Variants in SCRIB observed in about 807,000 individuals in gnomAD.
The protein encoded by SCRIB is scribble planar cell polarity protein.
A neutral mutation model predicts 170.0 loss-of-function variants in SCRIB; 72 were observed. That is an observed-to-expected ratio of 0.42 (90% CI 0.35 to 0.52). SCRIB has a LOEUF of 0.52. SCRIB is among the 20% of genes least tolerant of loss of function. The pLI is 0.02. For synonymous variants in SCRIB, 1,298 were observed against 1,044.3 expected, an observed-to-expected ratio of 1.24 and a Z score of -4.68; for missense variants, 2,475 against 2,338.5, an observed-to-expected ratio of 1.06 and a Z score of -1.20.
At chr8:143,805,520 G>T in intron 18 of SCRIB, 85 bp from the exon 19 acceptor site, 1 of 1,316,072 alleles carries the variant, frequency 7.6e-7, no homozygotes, top group Non-Finnish European at 1.0e-6. Context: ...GCTCCCTCCA[G>T]GATGGGGAGA....
rs782808991 is a variant in SCRIB at position 143,792,097 on chromosome 8, C to A, written c.4551G>T (p.Gln1517His). The change falls in exon 33 of 37, where the codon CAG (glutamine) becomes CAT (histidine). Residue 1517 changes from glutamine (Q) to histidine (H), a missense_variant. This residue lies in a region of SCRIB where 1,966 missense variants were observed against 1,742.9 expected (regional missense o/e 1.13). Transcript: ENST00000356994. ...CTTCCTGGGACCTGCTGAGGACCAT[C>A]TGTGCTCGGAGAGCGTCCTGTTCCA... The part of the protein sequence containing the change: ...KSLEQDALRA[Q>H]MVLSRSQEGR... The A allele has an allele frequency of 9.4e-6, 15 of 1,591,376 alleles. No individual in the cohort carries two copies. The highest frequency in any genetic ancestry group is 1.3e-5 in the Non-Finnish European group (15 of 1,175,316).
Position 143,815,462 on chromosome 8 carries a change from G to T in SCRIB, c.-90C>A, listed in dbSNP as rs952565811. 4 of 1,101,996 alleles carry T rather than the reference G, an allele frequency of 3.6e-6. No individual in the cohort carries two copies. The highest frequency in any genetic ancestry group is 3.3e-5 in the African/African-American group (2 of 59,850). The allele number at this position is 1,101,996 out of a possible 1,614,324, so 68.3% of individuals were successfully genotyped here. On this transcript the variant is annotated 5_prime_UTR_variant, in exon 1 of 37. Transcript: ENST00000356994. ...CTCAGTCCGCATGGGCGCCGCGCAT[G>T]GGGAGGGGGCGCAGGCAGGGGGCGG...
chr8:143,815,059 A>C, intron 1 of SCRIB, 155 bp downstream of exon 1: 2 of 846,068 alleles, frequency 2.4e-6, no homozygotes, highest in Non-Finnish European at 3.3e-6. Flanking sequence ...GGCGGCTGGA[A>C]GAGAAGGGTG....
Position 143,812,933 on chromosome 8 carries a change from C to G in SCRIB, c.671G>C (p.Cys224Ser). Residue 224 changes from cysteine (C) to serine (S), a missense_variant, in exon 8 of 37, where the codon TGC becomes TCC. Physicochemically the swap from Cys to Ser is moderately radical, Grantham distance 112 (BLOSUM62 -1). Coordinates refer to ENST00000356994, the MANE Select transcript of SCRIB (RefSeq NM_182706.5). Reference sequence around the variant, plus strand: ...CAGCCGGTTTTCCGACACGTCCAGGCACACCAGGCGCCGCAGGTTCCCGAG... The same window carrying G: ...CAGCCGGTTTTCCGACACGTCCAGGGACACCAGGCGCCGCAGGTTCCCGAG... ...PELGNLRRLV[C>S]LDVSENRLEE... The G allele has an allele frequency of 6.2e-7, 1 of 1,612,754 alleles. No individual in the cohort carries two copies. Among genetic ancestry groups the G allele is most frequent in the Non-Finnish European group, 8.5e-7 (1 of 1,179,910 alleles).
intron 24 of SCRIB, among the ~76,000 whole-genome samples, chr8:143,801,518 T>C (rs1815170315): frequency 1.3e-5 from 2 of 152,240 alleles, no homozygotes; most frequent in Admixed American, 6.5e-5. Flanking sequence ...AAAATTTTGA[T>C]TTTTGTAACT....
In SCRIB at chr8:143,791,896, T is replaced by TGGTCTGGGGGCCGA; in HGVS notation, c.4661_4674dup (p.Thr1560AlafsTer44). 3 of 1,470,302 alleles carry TGGTCTGGGGGCCGA rather than the reference T, an allele frequency of 2.0e-6. No individual in the cohort carries two copies. The highest frequency in any genetic ancestry group is 2.7e-6 in the Non-Finnish European group (3 of 1,110,472). The allele number at this position is 1,470,302 out of a possible 1,614,324, so 91.1% of individuals were successfully genotyped here. A position where few individuals can be genotyped will look rare whatever the true frequency, so the allele number is the denominator to read the frequency against. ...CTCACCAGGCGTCCCGGGGAGGTGC[T>TGGTCTGGGGGCCGA]GGTCTGGGGGCCGAGGTCTGGGGGG... is the stretch of plus-strand genomic sequence containing the variant. On this transcript the variant is annotated frameshift_variant, in exon 34 of 37. Transcript: ENST00000356994. LOFTEE classifies it high-confidence loss of function.
Position 143,811,341 on chromosome 8 carries a change from A to G in SCRIB, c.911T>C (p.Leu304Pro). Residue 304 changes from leucine to proline, a missense_variant, in exon 10 of 37, where the codon CTG (leucine) becomes CCG (proline). By Grantham distance (98) the Leu-to-Pro change is moderately conservative. Around this residue, in one of 3 missense-constraint regions of SCRIB, gnomAD observed 487 missense variants for 558.1 expected, o/e 0.87. Transcript: ENST00000356994. ...LILTENLLMA[L>P]PRSLGKLTKL... ...AGTCAGCTTTCCCAGGGAGCGGGGC[A>G]GGGCCTGGCCAAGAAGAGGAGGTCA... is the stretch of plus-strand genomic sequence containing the variant. 1 of 1,611,724 alleles carries G rather than the reference A, an allele frequency of 6.2e-7. No individual in the cohort carries two copies. The highest frequency in any genetic ancestry group is 1.3e-5 in the African/African-American group (1 of 74,996).
rs1563802914 is a variant in SCRIB at position 143,808,918 on chromosome 8, G to A, written c.1806C>T (p.Leu602=). ...PWTLPGGRQR[L]IRKDTPHYKK... is the part of the protein sequence containing the mutation. Reference sequence around the variant, plus strand: ...TGTAGTGAGGTGTGTCCTTGCGGATGAGCCGCTGCCTCCCGCCTGGCAGGG... The same window carrying A: ...TGTAGTGAGGTGTGTCCTTGCGGATAAGCCGCTGCCTCCCGCCTGGCAGGG... Residue 602 remains leucine (L), a synonymous_variant, in exon 15 of 37, where the codon CTC becomes CTT. Coordinates refer to ENST00000356994, the MANE Select transcript of SCRIB (RefSeq NM_182706.5). The A allele has an allele frequency of 1.2e-6, 2 of 1,611,408 alleles. No homozygotes were observed. The highest frequency in any genetic ancestry group is 2.2e-5 in the East Asian group (1 of 44,876).
chr8:143,804,883 G>C (rs1173456706), intron 20 of SCRIB, 51 bp downstream of exon 20: 2 of 1,528,280 alleles, frequency 1.3e-6, no homozygotes, highest in Non-Finnish European at 1.8e-6. Context: ...AGAGGGCGCG[G>C]GGCGGGGCAG....
Position 143,791,502 on chromosome 8 carries a change from C to T in SCRIB, c.4771-62G>A, listed in dbSNP as rs532895515. On this transcript the variant is annotated intron_variant, in intron 35 of 36. Transcript: ENST00000356994. ...CCCTGCCCCAAACCACCCAGGTGGA[C>T]GGGTGGGCTCCCAGCCCTGAGGCCC... The T allele has an allele frequency of 6.8e-5, 108 of 1,594,718 alleles. No individual in the cohort carries two copies. In the East Asian group the frequency reaches 7.8e-4, roughly 11 times the overall value.
intron 9 of SCRIB, among the ~76,000 whole-genome samples, chr8:143,811,924 G>A (rs912625517): frequency 1.3e-5 from 2 of 152,172 alleles, no homozygotes; most frequent in Non-Finnish European, 2.9e-5. Context: ...GGGGCAGGCA[G>A]ACGCCCCTGG....
chr8:143,805,864 A>G (rs1056165843), intron 18 of SCRIB, among the ~76,000 whole-genome samples: 4 of 152,214 alleles, frequency 2.6e-5, no homozygotes, highest in African/African-American at 9.6e-5. Flanking sequence ...CAGACGCAGC[A>G]TATGAGCCCT....
intron 6 of SCRIB, 46 bp from the exon 7 acceptor site, chr8:143,813,150 C>T (rs1815830527): frequency 6.4e-7 from 1 of 1,573,800 alleles, no homozygotes; most frequent in Non-Finnish European, 8.6e-7. Context: ...GCAAAGCCTC[C>T]TGCTGCGCCG....
In SCRIB at chr8:143,797,400, G is replaced by A. The variant is rs550610033; in HGVS notation, c.3604-1870C>T. Among the ~76,000 whole-genome samples the A allele has an allele frequency of 7.2e-5, 11 of 152,354 alleles. 1 individual carries two copies. In the South Asian group the frequency reaches 2.3e-3, roughly 32 times the overall value. On this transcript the variant is annotated intron_variant, in intron 24 of 36. Coordinates refer to ENST00000356994, the MANE Select transcript of SCRIB (RefSeq NM_182706.5). ...TCGGTGGCAGGAAGCTGCCTGATGAGTATGGCAGTGGTGGGTCAGGAATGT... is the reference window on the plus strand; with the variant it reads ...TCGGTGGCAGGAAGCTGCCTGATGAATATGGCAGTGGTGGGTCAGGAATGT...
In SCRIB at chr8:143,792,515, GGCT is replaced by G. The variant is rs1554633115; in HGVS notation, c.4295_4297del (p.Gln1432del). 2.6e-6 allele frequency: 4 copies of G among 1,554,946 alleles called. No individual in the cohort carries two copies. The Admixed American group carries it at 5.6e-5, about 22-fold the overall frequency. ...GGTGGGGCTCGGGCTGGCCCAGGGT[GGCT>G]GCTCATCCTCCTGTTCCTCCTCGCC... is the stretch of plus-strand genomic sequence containing the variant. On this transcript the variant is annotated inframe_deletion, in exon 31 of 37. Transcript: ENST00000356994.
chr8:143,800,877 A>G (rs77730670), intron 24 of SCRIB, among the ~76,000 whole-genome samples: 1 of 152,374 alleles, frequency 6.6e-6, no homozygotes, highest in African/African-American at 2.4e-5. Context: ...CTTTCTCAAA[A>G]TATGTACATA....
At chr8:143,806,539 C>A (rs1305185258) in intron 17 of SCRIB, 55 bp from the exon 18 acceptor site, 3 of 1,426,778 alleles carry the variant, frequency 2.1e-6, no homozygotes, top group Non-Finnish European at 2.9e-6. Context: ...CGCATTCCTG[C>A]TCCTTCTGCA....
In SCRIB at chr8:143,792,259, G is replaced by A; in HGVS notation, c.4475C>T (p.Ala1492Val). The change falls in exon 32 of 37, where the codon GCC becomes GTC. Residue 1492 changes from alanine (A) to valine (V), a missense_variant. Around this residue, in one of 3 missense-constraint regions of SCRIB, gnomAD observed 1,966 missense variants for 1,742.9 expected, o/e 1.13. Transcript: ENST00000356994. ...ERALSPAELR[A>V]LEAEKRALWR... is the part of the protein sequence containing the mutation. ...CAGCGCACGCTTCTCGGCCTCCAGG[G>A]CCCGGAGCTCGGCAGGGGACAGGGC... 6.4e-7 allele frequency: 1 copy of A among 1,573,684 alleles called. No individual in the cohort carries two copies. The highest frequency in any genetic ancestry group is 8.6e-7 in the Non-Finnish European group (1 of 1,167,102).
chr8:143,804,091 G>A lies in SCRIB; in HGVS notation c.3075C>T (p.Ser1025=), dbSNP rs782434490. 45 of 1,612,594 alleles carry A rather than the reference G, an allele frequency of 2.8e-5. No individual in the cohort carries two copies. The highest frequency in any genetic ancestry group is 3.7e-5 in the Non-Finnish European group (44 of 1,179,380). The change falls in exon 22 of 37, where the codon TCC becomes TCT. Residue 1025 remains serine, a synonymous_variant. Coordinates refer to ENST00000356994, the MANE Select transcript of SCRIB (RefSeq NM_182706.5). Reference sequence around the variant, plus strand: ...GCTCCTGGACACCAAACGGGTGGCTGGAATGGTCGGAGCCTCCGACAATAC... The same window carrying A: ...GCTCCTGGACACCAAACGGGTGGCTAGAATGGTCGGAGCCTCCGACAATAC... ...GLSIVGGSDH[S]SHPFGVQEPG... is the part of the protein sequence containing the mutation.
Sources: gnomAD v4.1 joint callset for allele counts (sites outside exome capture counted in the v4.1 genomes callset) on GRCh38, gnomAD v4.1.1 for gene constraint, gnomAD v4.1.1 regional missense constraint, MANE v1.5 for transcripts, NCBI Gene and HGNC (gene_info 2026-07-23, HGNC 2026-07-21) for gene names.